The following ADCY1 variants were observed in gnomAD, a reference collection of about 807,000 sequenced individuals.
ADCY1 encodes adenylate cyclase type 1.
Under a neutral mutation model 105.4 loss-of-function variants are expected in ADCY1, and 28 were observed. The observed-to-expected ratio is 0.27, with a 90% CI of 0.20 to 0.36. The LOEUF (loss-of-function observed/expected upper bound fraction) is 0.36, where lower values mean the gene tolerates loss of function less well. Among genes scored for constraint, ADCY1 ranks in the 10% least tolerant of loss-of-function variants. The probability of loss-of-function intolerance (pLI) is 1.00; values close to 1 mark genes in which losing one functional copy is unlikely to be tolerated. For synonymous variants in ADCY1, 655 were observed against 623.8 expected (o/e 1.05, Z -0.75); for missense variants, 977 against 1,434.2 (o/e 0.68, Z 5.15).
intron 3 of ADCY1, 38 bp from the exon 4 acceptor site, chr7:45,622,594 C>A (rs1487988412): frequency 1.4e-6 from 2 of 1,459,720 alleles, no homozygotes; most frequent in South Asian, 2.3e-5. Context: ...TCCTGAGTGA[C>A]TGGGAGAAGG....
intron 7 of ADCY1, among the ~76,000 whole-genome samples, chr7:45,661,094 A>G (rs1179432446): frequency 1.3e-5 from 2 of 152,114 alleles, no homozygotes; most frequent in Non-Finnish European, 2.9e-5. Flanking sequence ...CTCTTCTTAA[A>G]GAAACAATTT....
Position 45,708,100 on chromosome 7 carries a change from G to A in ADCY1, c.2818-250G>A, listed in dbSNP as rs1432006837. 2.6e-5 allele frequency among the ~76,000 whole-genome samples: 4 copies of A among 152,212 alleles called. No homozygotes were observed. Among genetic ancestry groups the A allele is most frequent in the South Asian group, 2.1e-4 (1 of 4,824 alleles). On this transcript the variant is annotated intron_variant, in intron 17 of 19. Coordinates refer to ENST00000297323, the MANE Select transcript of ADCY1 (RefSeq NM_021116.4). This position sits in a 1 kb window ranked among gnomAD's most constrained non-coding sequence, Gnocchi z 4.7. ...ACCTGGTCTCCCACTCAAAAGGGCT[G>A]CCCTGCCCTATTCCTGCAGGCAGCC... is the stretch of plus-strand genomic sequence containing the variant.
At chr7:45,578,133 T>TG (rs1792405504) in intron 1 of ADCY1, among the ~76,000 whole-genome samples, 1 of 152,132 alleles carries the variant, frequency 6.6e-6, no homozygotes, top group African/African-American at 2.4e-5. Flanking sequence ...CCCAGGACTC[T>TG]GGGGGGCAGA....
intron 1 of ADCY1, among the ~76,000 whole-genome samples, chr7:45,582,016 A>G (rs957182603): frequency 6.6e-6 from 1 of 151,792 alleles, no homozygotes; most frequent in African/African-American, 2.4e-5. Context: ...ACACATTCAC[A>G]TGCGCCCTCA....
At chr7:45,711,820 A>G (rs1181607255) in intron 19 of ADCY1, among the ~76,000 whole-genome samples, 1 of 72,554 alleles carries the variant, frequency 1.4e-5, no homozygotes, top group Non-Finnish European at 2.8e-5. Context: ...TTTACAATGT[A>G]CTTTTAAAAT....
At position 45,716,783 on chromosome 7, in the gene ADCY1, T is replaced by G. The variant is rs1037171055; in HGVS notation, c.*2788T>G. The stretch of plus-strand genomic sequence containing the variant: ...AGGGATCTAAGGATGGGAGGGGAAC[T>G]TGGTTTATCTGGGTGGGCTCAGTGA... On this transcript the variant is annotated 3_prime_UTR_variant, in exon 20 of 20. Transcript: ENST00000297323. The G allele has an allele frequency of 7.9e-5, 12 of 152,258 alleles. No homozygotes were observed. The highest frequency in any genetic ancestry group is 2.9e-4 in the African/African-American group (12 of 41,426). The allele number at this position is 152,258 out of a possible 1,614,324, so 9.4% of individuals were successfully genotyped here.
upstream of ADCY1, chr7:45,574,313 G>A (rs1792245080): frequency 4.8e-6 from 1 of 210,226 alleles, no homozygotes; most frequent in African/African-American, 2.4e-5. The surrounding 1 kb of genome is among the most constrained non-coding windows in gnomAD (Gnocchi z 7.0). Context: ...CGCCGCCGAG[G>A]ACCACGGTCG....
At chr7:45,609,530 A>G (rs1483026356) in intron 2 of ADCY1, among the ~76,000 whole-genome samples, 1 of 152,136 alleles carries the variant, frequency 6.6e-6, no homozygotes, top group Non-Finnish European at 1.5e-5. Flanking sequence ...GGGATGTTCT[A>G]CCTGATTCTA....
intron 4 of ADCY1, among the ~76,000 whole-genome samples, chr7:45,630,663 C>G (rs1338194109): frequency 6.6e-6 from 1 of 152,176 alleles, no homozygotes; most frequent in African/African-American, 2.4e-5. Flanking sequence ...CTCCCTCCCT[C>G]TCTCTTTCCC....
intron 1 of ADCY1, among the ~76,000 whole-genome samples, chr7:45,581,117 C>T (rs1333634122): frequency 1.3e-5 from 2 of 152,110 alleles, no homozygotes; most frequent in East Asian, 3.9e-4. Context: ...TGACTTTAGG[C>T]TTGGGATGAT....
chr7:45,631,157 T>C (rs75481227), intron 4 of ADCY1, among the ~76,000 whole-genome samples: 4,594 of 152,336 alleles, frequency 0.03, 98 homozygotes, highest in African/African-American at 0.055. Flanking sequence ...TTGTTAAAAC[T>C]ATGCAGGTAT....
intron 19 of ADCY1, among the ~76,000 whole-genome samples, chr7:45,711,622 TATATATATATATATATATATATAC>T (rs779529496): frequency 5.5e-5 from 6 of 108,350 alleles, no homozygotes; most frequent in African/African-American, 2.5e-4. Flanking sequence ...TATATATATA[TATATATATATATATATATATATAC>T]ACACACACAC....
chr7:45,699,763 C>T (rs1182396499), intron 14 of ADCY1, among the ~76,000 whole-genome samples: 1 of 152,164 alleles, frequency 6.6e-6, no homozygotes, highest in Admixed American at 6.5e-5. Flanking sequence ...GGTTGCGCAG[C>T]AGTCGCAGGC....
At chr7:45,660,723 C>T (rs894589647) in intron 7 of ADCY1, among the ~76,000 whole-genome samples, 8 of 146,512 alleles carry the variant, frequency 5.5e-5, no homozygotes, top group Non-Finnish European at 1.1e-4. Context: ...GTTCAGGGGA[C>T]AGGTGAGGTG....
In ADCY1 at chr7:45,686,498, C is replaced by T; in HGVS notation, c.2328-49C>T. 5 of 1,574,110 alleles carry T rather than the reference C, an allele frequency of 3.2e-6. No homozygotes were observed. The highest frequency in any genetic ancestry group is 4.3e-6 in the Non-Finnish European group (5 of 1,157,224). On this transcript the variant is annotated intron_variant, in intron 13 of 19. Coordinates refer to ENST00000297323, the MANE Select transcript of ADCY1 (RefSeq NM_021116.4). The surrounding 1 kb of genome is among the most constrained non-coding windows in gnomAD (Gnocchi z 4.3). Reference sequence around the variant, plus strand: ...TCTTGGGTTTGGTGGCAGAGTCTTGCCCTGGAAGCTCGGCACTGACTTGGC... The same window carrying T: ...TCTTGGGTTTGGTGGCAGAGTCTTGTCCTGGAAGCTCGGCACTGACTTGGC...
intron 10 of ADCY1, 125 bp from the exon 11 acceptor site, chr7:45,679,584 T>C: frequency 1.1e-6 from 1 of 917,634 alleles, no homozygotes; most frequent in Non-Finnish European, 1.7e-6. Context: ...GCATCCAGGT[T>C]AACGATGCTG....
At chr7:45,683,543 T>C (rs541607704) in intron 11 of ADCY1, among the ~76,000 whole-genome samples, 223 of 152,256 alleles carry the variant, frequency 1.5e-3, no homozygotes, top group Admixed American at 2.1e-3. Context: ...AGGTACAGGC[T>C]GGGAGAGAGA....
At position 45,721,689 on chromosome 7, in the gene ADCY1, T is replaced by C. The variant is rs1036892945; in HGVS notation, c.*7694T>C. On this transcript the variant is annotated 3_prime_UTR_variant, in exon 20 of 20. Coordinates refer to ENST00000297323, the MANE Select transcript of ADCY1 (RefSeq NM_021116.4). ...TGAGGTAAAGGTGGGTCCGGGTGCC[T>C]TCCCAGGGGTTAGAGGATGTTCAAA... 7.5e-4 allele frequency: 297 copies of C among 398,618 alleles called. 3 individuals are homozygous for C. Among genetic ancestry groups the C allele is most frequent in the Non-Finnish European group, 1.1e-4 (26 of 226,092 alleles). 24.7% of individuals were successfully genotyped at this position (398,618 alleles called of 1,614,324 possible). A position where few individuals can be genotyped will look rare whatever the true frequency, so the allele number is the denominator to read the frequency against.
chr7:45,696,783 C>T (rs767436648), intron 14 of ADCY1, among the ~76,000 whole-genome samples: 3 of 152,144 alleles, frequency 2.0e-5, no homozygotes, highest in Non-Finnish European at 4.4e-5. Context: ...AGTAAAAGGT[C>T]CAAAGACCCC....
Sources: allele counts gnomAD v4.1 joint callset (sites outside exome capture counted in the v4.1 genomes callset), GRCh38; gene constraint gnomAD v4.1.1; non-coding constraint Gnocchi (gnomAD v3.1); transcripts MANE v1.5; gene names NCBI Gene and HGNC (gene_info 2026-07-23, HGNC 2026-07-21).